FGF13: variants seen among roughly 807,000 people sequenced by gnomAD.
FGF13 encodes fibroblast growth factor 13.
In FGF13, 2 loss-of-function variants were observed where a neutral mutation model predicts 19.5. That is an observed-to-expected ratio of 0.10 (90% CI 0.04 to 0.32). FGF13 has a LOEUF of 0.32. Among genes scored for constraint, FGF13 ranks in the 10% least tolerant of loss-of-function variants. FGF13 has a pLI of 1.00. For missense variants in FGF13, 113 were observed against 192.7 expected, an observed-to-expected ratio of 0.59 and a Z score of 2.45; for synonymous variants, 72 against 76.9, an observed-to-expected ratio of 0.94 and a Z score of 0.33.
intron 1 of FGF13, among the ~76,000 whole-genome samples, chrX:138,970,281 T>C (rs2091910260): frequency 9.0e-6 from 1 of 111,312 alleles, no homozygotes; most frequent in Non-Finnish European, 1.9e-5. Context: ...TAAGTATTTT[T>C]AAAAATAATT....
intron 1 of FGF13, among the ~76,000 whole-genome samples, chrX:138,719,996 T>G (rs770136874): frequency 8.9e-6 from 1 of 112,913 alleles, no homozygotes; most frequent in Non-Finnish European, 1.9e-5. Context: ...TGTTCATTCA[T>G]TAATTTATTC....
At chrX:139,046,727 C>A (rs1359268564) in intron 1 of FGF13, among the ~76,000 whole-genome samples, 4 of 111,745 alleles carry the variant, frequency 3.6e-5, no homozygotes, top group African/African-American at 6.5e-5. Flanking sequence ...GAACTTTTAA[C>A]TTGGAAAGGA....
chrX:138,841,618 G>A (rs2091150582), intron 3 of FGF13, among the ~76,000 whole-genome samples: 1 of 110,577 alleles, frequency 9.0e-6, no homozygotes, highest in East Asian at 2.8e-4. Context: ...CTACGATAAA[G>A]GAACAAAATC....
chrX:139,168,567 C>G (rs751177769), intron 1 of FGF13, among the ~76,000 whole-genome samples: 158 of 111,865 alleles, frequency 1.4e-3, no homozygotes, highest in African/African-American at 4.8e-3. Flanking sequence ...ATTATACATT[C>G]TTTACAGATA....
intron 3 of FGF13, among the ~76,000 whole-genome samples, chrX:138,798,537 G>A (rs893118440): frequency 2.7e-5 from 3 of 111,194 alleles, no homozygotes; most frequent in Non-Finnish European, 5.7e-5. Flanking sequence ...TTTTTCTGTT[G>A]TGTCTCTGCC....
intron 1 of FGF13, among the ~76,000 whole-genome samples, chrX:138,898,340 C>T (rs1326309043): frequency 1.8e-5 from 2 of 111,984 alleles, no homozygotes; most frequent in Non-Finnish European, 3.8e-5. Flanking sequence ...GTAGTTGGTT[C>T]ATAAATATTT....
chrX:139,170,332 A>G (rs2084121404), intron 1 of FGF13, among the ~76,000 whole-genome samples: 2 of 111,280 alleles, frequency 1.8e-5, no homozygotes, highest in Non-Finnish European at 3.8e-5. Flanking sequence ...TTCTAAAAGC[A>G]CACATCACAA....
intron 1 of FGF13, among the ~76,000 whole-genome samples, chrX:139,136,219 A>G (rs377119224): frequency 1.8e-5 from 2 of 111,447 alleles, no homozygotes; most frequent in Non-Finnish European, 3.8e-5. Context: ...TTTTATTTAA[A>G]TAGCTTTTGG....
intron 1 of FGF13, among the ~76,000 whole-genome samples, chrX:138,885,929 T>A (rs1482377372): frequency 9.1e-6 from 1 of 110,203 alleles, no homozygotes; most frequent in East Asian, 2.9e-4. Flanking sequence ...TTCATATATT[T>A]CCCTGTACTT....
chrX:138,843,253 T>C (rs1271579375), intron 3 of FGF13, among the ~76,000 whole-genome samples: 2 of 111,994 alleles, frequency 1.8e-5, no homozygotes, highest in African/African-American at 6.5e-5. Flanking sequence ...TACAGAGATA[T>C]TTCTCCTTCT....
intron 1 of FGF13, among the ~76,000 whole-genome samples, chrX:138,984,611 G>GGAT (rs2091984056): frequency 3.4e-5 from 2 of 58,937 alleles, no homozygotes; most frequent in Admixed American, 1.9e-4. Flanking sequence ...AGGAGGAGGA[G>GGAT]GAGGATGAGG....
intron 1 of FGF13, among the ~76,000 whole-genome samples, chrX:138,903,897 A>G (rs1251669600): frequency 2.7e-5 from 3 of 111,895 alleles, no homozygotes; most frequent in African/African-American, 6.5e-5. Flanking sequence ...TACTGGCCCA[A>G]CAATGCTTCT....
At chrX:138,744,176 C>T (rs928639850), upstream of FGF13, among the ~76,000 whole-genome samples, 5 of 111,320 alleles carry the variant, frequency 4.5e-5, no homozygotes, top group Non-Finnish European at 9.4e-5. Flanking sequence ...CTTTCATTTT[C>T]ACTGAGGGTA....
At chrX:138,987,493 T>A (rs776726520) in intron 1 of FGF13, among the ~76,000 whole-genome samples, 2 of 112,211 alleles carry the variant, frequency 1.8e-5, no homozygotes, top group Non-Finnish European at 3.8e-5. Context: ...TAATTAAATT[T>A]TAAAATTCAA....
intron 3 of FGF13, among the ~76,000 whole-genome samples, chrX:138,783,740 T>C (rs1188325607): frequency 9.3e-6 from 1 of 107,077 alleles, no homozygotes; most frequent in African/African-American, 3.3e-5. Flanking sequence ...GTTCAACCAT[T>C]GTGGAAGTCA....
intron 3 of FGF13, among the ~76,000 whole-genome samples, chrX:138,696,863 G>A (rs2089901858): frequency 8.9e-6 from 1 of 112,013 alleles, no homozygotes. Flanking sequence ...GAATATTTAT[G>A]CATGTATTCA....
chrX:139,067,951 T>C (rs1404749000), intron 1 of FGF13, among the ~76,000 whole-genome samples: 1 of 105,505 alleles, frequency 9.5e-6, no homozygotes, highest in African/African-American at 3.6e-5. Flanking sequence ...TTCACTCTGA[T>C]GGTAGTTTCT....
intron 1 of FGF13, among the ~76,000 whole-genome samples, chrX:139,037,482 A>C (rs62602203): frequency 0.15 from 16,303 of 110,937 alleles, 1,073 homozygotes; most frequent in African/African-American, 0.25. Context: ...TTATTCTTGC[A>C]GTTCTGGAGG....
At chrX:138,892,013 T>TGC (rs771001763) in intron 1 of FGF13, among the ~76,000 whole-genome samples, 1,875 of 108,130 alleles carry the variant, frequency 0.017, 44 homozygotes, top group African/African-American at 0.059. Context: ...TGTGTGTGTG[T>TGC]GTGTGTGTGT....
Sources: allele counts gnomAD v4.1 joint callset (sites outside exome capture counted in the v4.1 genomes callset), GRCh38; gene constraint gnomAD v4.1.1; transcripts MANE v1.5; gene names NCBI Gene and HGNC (gene_info 2026-07-23, HGNC 2026-07-21).